PTH2R: variants seen among roughly 807,000 people sequenced by gnomAD.
PTH2R encodes PTH2 receptor.
A neutral mutation model predicts 60.3 loss-of-function variants in PTH2R; 59 were observed. The observed-to-expected ratio is 0.98, with a 90% confidence interval of 0.79 to 1.22. The LOEUF is 1.22. Among genes scored for constraint, PTH2R ranks in the 50% most tolerant of loss-of-function variants. PTH2R has a pLI of 0.00. For missense variants in PTH2R, 749 were observed against 682.6 expected (o/e 1.10, Z -1.08); for synonymous variants, 256 against 243.8 (o/e 1.05, Z -0.47).
At chr2:208,430,793 C>T (rs1305510539) in intron 2 of PTH2R, among the ~76,000 whole-genome samples, 1 of 151,938 alleles carries the variant, frequency 6.6e-6, no homozygotes, top group Non-Finnish European at 1.5e-5. Context: ...TCTCAATCTC[C>T]CGACCTCGTG....
rs1177311678 is a variant in PTH2R, at chr2:208,444,799, G to C, written c.765G>C (p.Leu255=). The change falls in exon 7 of 13, where the codon CTG becomes CTC. Residue 255 remains leucine, a synonymous_variant. Coordinates refer to ENST00000272847, the MANE Select transcript of PTH2R (RefSeq NM_005048.4). The stretch of plus-strand genomic sequence containing the variant: ...TGGCTACAAATTATTATTGGATCCT[G>C]GTGGAAGGTCTCTACCTGCATAATC... The part of the protein sequence containing the change: ...YFLATNYYWI[L]VEGLYLHNLI... 1 of 1,613,822 alleles carries C rather than the reference G, an allele frequency of 6.2e-7. No individual in the cohort carries two copies. The highest frequency in any genetic ancestry group is 8.5e-7 in the Non-Finnish European group (1 of 1,179,774).
chr2:208,395,345 C>T (rs963407134), intron 1 of PTH2R, among the ~76,000 whole-genome samples: 3 of 152,008 alleles, frequency 2.0e-5, no homozygotes, highest in Non-Finnish European at 4.4e-5. Context: ...CACGCCCGGC[C>T]GAGTCTGATT....
chr2:208,363,843 G>T (rs1700528043), intron 1 of PTH2R, among the ~76,000 whole-genome samples: 1 of 152,008 alleles, frequency 6.6e-6, no homozygotes, highest in Admixed American at 6.6e-5. Context: ...CCTGTCATTT[G>T]CCCACTTTTT....
intron 2 of PTH2R, among the ~76,000 whole-genome samples, chr2:208,433,245 T>C (rs1311009226): frequency 6.6e-6 from 1 of 152,218 alleles, no homozygotes; most frequent in Non-Finnish European, 1.5e-5. Context: ...TCCTTCGAGA[T>C]CGTTATTTGC....
intron 1 of PTH2R, among the ~76,000 whole-genome samples, chr2:208,371,060 C>T (rs1429060221): frequency 6.6e-6 from 1 of 152,006 alleles, no homozygotes; most frequent in Non-Finnish European, 1.5e-5. Flanking sequence ...CACTCATCAC[C>T]ATGGGGATGG....
chr2:208,461,901 G>A (rs1214331347), intron 9 of PTH2R, among the ~76,000 whole-genome samples: 4 of 152,240 alleles, frequency 2.6e-5, no homozygotes, highest in African/African-American at 9.6e-5. Context: ...AGGAGAAATA[G>A]AAGTGATGGC....
intron 1 of PTH2R, among the ~76,000 whole-genome samples, chr2:208,396,595 A>T (rs1194872315): frequency 6.6e-6 from 1 of 152,210 alleles, no homozygotes; most frequent in African/African-American, 2.4e-5. Flanking sequence ...GCAAATCAAA[A>T]CCACAATGAG....
intron 9 of PTH2R, among the ~76,000 whole-genome samples, chr2:208,468,851 A>G (rs776379422): frequency 6.6e-6 from 1 of 152,216 alleles, no homozygotes; most frequent in Admixed American, 6.5e-5. Flanking sequence ...TAAACTTATG[A>G]TACCTAGAGC....
At chr2:208,381,485 C>A (rs1392920203) in intron 1 of PTH2R, among the ~76,000 whole-genome samples, 1 of 152,098 alleles carries the variant, frequency 6.6e-6, no homozygotes, top group African/African-American at 2.4e-5. Context: ...TGCAGTGGCA[C>A]AATCATAGCT....
chr2:208,470,452 T>G (rs1407708109), intron 9 of PTH2R, among the ~76,000 whole-genome samples: 3 of 151,414 alleles, frequency 2.0e-5, no homozygotes, highest in Admixed American at 6.5e-5. Flanking sequence ...GGGAGGTAAT[T>G]GAATCATAGG....
Position 208,437,594 on chromosome 2 carries a change from G to A in PTH2R, c.236G>A (p.Gly79Glu), listed in dbSNP as rs763155688. The change falls in exon 3 of 13, where the codon GGG (glycine) becomes GAG (glutamate). Residue 79 changes from glycine to glutamate, a missense_variant. Physicochemically the swap from Gly to Glu is moderately conservative, Grantham distance 98. Coordinates refer to ENST00000272847, the MANE Select transcript of PTH2R (RefSeq NM_005048.4). ...ATTTGTTGGCCCAGAGGAACAGTGG[G>A]GAAAATATCGGCTGTTCCATGCCCT... is the stretch of plus-strand genomic sequence containing the variant. ...GLICWPRGTV[G>E]KISAVPCPPY... The A allele has an allele frequency of 9.3e-6, 15 of 1,613,442 alleles. No individual in the cohort carries two copies. The highest frequency in any genetic ancestry group is 4.0e-5 in the African/African-American group (3 of 74,868).
chr2:208,382,977 C>A (rs576078783), intron 1 of PTH2R, among the ~76,000 whole-genome samples: 1 of 152,244 alleles, frequency 6.6e-6, no homozygotes, highest in Non-Finnish European at 1.5e-5. Context: ...GGGGGTCTGA[C>A]ATCATTTGCA....
At chr2:208,388,133 C>CCA (rs763189447) in intron 1 of PTH2R, among the ~76,000 whole-genome samples, 2 of 874 alleles carry the variant, frequency 2.3e-3, no homozygotes, top group Admixed American at 0.015. Flanking sequence ...CATGGTGAAA[C>CCA]CCCCCCCCCC....
chr2:208,422,192 CTT>C (rs1004454021), intron 1 of PTH2R, among the ~76,000 whole-genome samples: 2 of 152,124 alleles, frequency 1.3e-5, no homozygotes, highest in African/African-American at 4.8e-5. Flanking sequence ...CTTCCTCTGC[CTT>C]TTATTCAATT....
At chr2:208,473,301 G>C (rs1702926034) in intron 9 of PTH2R, among the ~76,000 whole-genome samples, 1 of 152,088 alleles carries the variant, frequency 6.6e-6, no homozygotes, top group Non-Finnish European at 1.5e-5. Context: ...ATTTATAAAA[G>C]CTTCTACTGG....
intron 1 of PTH2R, among the ~76,000 whole-genome samples, chr2:208,396,295 G>A (rs752109841): frequency 6.6e-5 from 10 of 152,160 alleles, no homozygotes; most frequent in Non-Finnish European, 1.3e-4. Context: ...GGCAACAAAA[G>A]CCAAAATTGA....
In PTH2R at chr2:208,377,138, A is replaced by G. The variant is rs1037588422; in HGVS notation, c.-259+16901A>G. 4.6e-5 allele frequency among the ~76,000 whole-genome samples: 7 copies of G among 152,138 alleles called. No individual in the cohort carries two copies. The East Asian group carries it at 1.4e-3, about 29-fold the overall frequency. On this transcript the variant is annotated intron_variant, in intron 1 of 12. Transcript: ENST00000617735. The stretch of plus-strand genomic sequence containing the variant: ...GCACATCTTGCATGGCCCTTAATCC[A>G]TTTAACCCTGAGTGGACACAGCACA...
Position 208,493,850 on chromosome 2 carries a change from A to G in PTH2R, c.*191A>G, listed in dbSNP as rs950754543. The G allele has an allele frequency of 4.1e-6, 2 of 491,364 alleles. No individual in the cohort carries two copies. The highest frequency in any genetic ancestry group is 6.9e-6 in the Non-Finnish European group (2 of 288,678). 30.4% of individuals were successfully genotyped at this position (491,364 alleles called of 1,614,324 possible). On this transcript the variant is annotated 3_prime_UTR_variant, in exon 13 of 13. Coordinates refer to ENST00000272847, the MANE Select transcript of PTH2R (RefSeq NM_005048.4). ...ATGAAAATGCAAGTGTCAATGGAGT[A>G]GTTTATTACCTTCTATTGGCATCAA...
At chr2:208,464,768 C>CT (rs2105891504) in intron 9 of PTH2R, among the ~76,000 whole-genome samples, 1 of 152,206 alleles carries the variant, frequency 6.6e-6, no homozygotes, top group African/African-American at 2.4e-5. Flanking sequence ...AATCCCAGTG[C>CT]TTTGGTAGAC....
Sources: gnomAD v4.1 joint callset for allele counts (sites outside exome capture counted in the v4.1 genomes callset) on GRCh38, gnomAD v4.1.1 for gene constraint, MANE v1.5 for transcripts, NCBI Gene and HGNC (gene_info 2026-07-23, HGNC 2026-07-21) for gene names.